DPYD: variants seen among roughly 807,000 people sequenced by gnomAD.
DPYD encodes dihydropyrimidine dehydrogenase.
Under a neutral mutation model 116.2 loss-of-function variants are expected in DPYD, and 109 were observed. That is an observed-to-expected ratio of 0.94 (90% CI 0.80 to 1.10). DPYD has a LOEUF of 1.10. Among genes scored for constraint, DPYD ranks in the 50% least tolerant of loss-of-function variants. DPYD has a pLI of 0.00. For synonymous variants in DPYD, 440 were observed against 432.0 expected (o/e 1.02, Z -0.23); for missense variants, 1,302 against 1,254.5 (o/e 1.04, Z -0.57).
intron 3 of DPYD, among the ~76,000 whole-genome samples, chr1:97,821,994 A>T (rs909155617): frequency 6.6e-6 from 1 of 151,880 alleles, no homozygotes. Context: ...GATTCTTACT[A>T]TTGATTCCAG....
At chr1:97,168,917 G>A (rs1020678850) in intron 20 of DPYD, among the ~76,000 whole-genome samples, 6 of 151,114 alleles carry the variant, frequency 4.0e-5, no homozygotes, top group Non-Finnish European at 8.8e-5. Context: ...CATGATCGCA[G>A]CTCACTGCAA....
chr1:97,792,081 T>C (rs1237900189), intron 3 of DPYD, among the ~76,000 whole-genome samples: 2 of 152,188 alleles, frequency 1.3e-5, no homozygotes, highest in East Asian at 1.9e-4. Context: ...GCTAACTCTA[T>C]TATGCATAGT....
At chr1:97,376,887 G>GTGTGTGTGTGTATATATATATATA in intron 15 of DPYD, among the ~76,000 whole-genome samples, 12 of 128,404 alleles carry the variant, frequency 9.3e-5, no homozygotes, top group African/African-American at 3.4e-4. Flanking sequence ...GTGTGTGTGT[G>GTGTGTGTGTGTATATATATATATA]TATATATATA....
At chr1:97,293,420 T>C (rs1666334005) in intron 18 of DPYD, among the ~76,000 whole-genome samples, 1 of 152,188 alleles carries the variant, frequency 6.6e-6, no homozygotes, top group South Asian at 2.1e-4. Context: ...TGTGTGATGT[T>C]ATAGAATTTA....
chr1:97,701,958 T>C (rs1261076483), intron 5 of DPYD, among the ~76,000 whole-genome samples: 1 of 151,784 alleles, frequency 6.6e-6, no homozygotes, highest in Non-Finnish European at 1.5e-5. Context: ...TTTAAATTGG[T>C]AATAAAATAA....
At chr1:97,312,854 T>C (rs1667596670) in intron 16 of DPYD, among the ~76,000 whole-genome samples, 1 of 151,880 alleles carries the variant, frequency 6.6e-6, no homozygotes, top group South Asian at 2.1e-4. Context: ...TTCATGCTAA[T>C]ATAGGTAAAT....
intron 14 of DPYD, among the ~76,000 whole-genome samples, chr1:97,406,806 T>G (rs1475953968): frequency 1.3e-5 from 2 of 152,168 alleles, no homozygotes; most frequent in East Asian, 3.8e-4. Flanking sequence ...CAATATCCAT[T>G]TGAGTTGTTC....
chr1:97,728,637 C>T (rs551361592), intron 4 of DPYD, among the ~76,000 whole-genome samples: 16 of 151,970 alleles, frequency 1.1e-4, no homozygotes, highest in Non-Finnish European at 1.5e-4. Context: ...AAGATAAACT[C>T]CAATCTGCTG....
chr1:97,768,763 A>G (rs961847300), intron 3 of DPYD, among the ~76,000 whole-genome samples: 3 of 152,154 alleles, frequency 2.0e-5, no homozygotes, highest in African/African-American at 7.2e-5. Flanking sequence ...ATCTTTTCCA[A>G]ATAAGAAAAA....
At chr1:97,200,130 C>T (rs1175895472) in intron 19 of DPYD, among the ~76,000 whole-genome samples, 2 of 152,102 alleles carry the variant, frequency 1.3e-5, no homozygotes, top group Non-Finnish European at 1.5e-5. Context: ...TTTTCAAATG[C>T]TATTTTAAAA....
At chr1:97,102,050 C>G (rs1650729423) in intron 20 of DPYD, among the ~76,000 whole-genome samples, 1 of 151,910 alleles carries the variant, frequency 6.6e-6, no homozygotes, top group Admixed American at 6.6e-5. Flanking sequence ...ATACCTTAAG[C>G]CAGCAAAGCT....
intron 18 of DPYD, among the ~76,000 whole-genome samples, chr1:97,288,638 C>T (rs373429075): frequency 6.8e-5 from 10 of 146,074 alleles, no homozygotes; most frequent in Admixed American, 2.8e-4. Context: ...TTGAAACCAA[C>T]GAGAACAAAG....
At chr1:97,249,166 A>T (rs542454708) in intron 18 of DPYD, among the ~76,000 whole-genome samples, 2 of 152,288 alleles carry the variant, frequency 1.3e-5, no homozygotes, top group Non-Finnish European at 1.5e-5. Context: ...AAAATAACTC[A>T]AGGACACGAT....
chr1:97,089,801 G>A (rs1251103593), intron 21 of DPYD, among the ~76,000 whole-genome samples: 1 of 150,532 alleles, frequency 6.6e-6, no homozygotes, highest in Non-Finnish European at 1.5e-5. Flanking sequence ...GGGGTAGGAC[G>A]GAGGGCCTCT....
intron 14 of DPYD, among the ~76,000 whole-genome samples, chr1:97,428,064 A>C (rs1439950121): frequency 6.6e-6 from 1 of 152,160 alleles, no homozygotes; most frequent in Non-Finnish European, 1.5e-5. Flanking sequence ...TAACAATACA[A>C]TAAAAGTTAT....
At chr1:97,717,286 C>A (rs1240790875) in intron 5 of DPYD, among the ~76,000 whole-genome samples, 2 of 151,910 alleles carry the variant, frequency 1.3e-5, no homozygotes, top group Non-Finnish European at 2.9e-5. Flanking sequence ...GTTTAGAAAC[C>A]TGCTGAGAGA....
At chr1:97,436,311 A>G (rs1675470981) in intron 14 of DPYD, among the ~76,000 whole-genome samples, 2 of 152,040 alleles carry the variant, frequency 1.3e-5, no homozygotes, top group East Asian at 3.8e-4. Flanking sequence ...CCTACTGAAC[A>G]AAGCTTTTCA....
At chr1:97,617,326 A>G (rs1211503856) in intron 8 of DPYD, among the ~76,000 whole-genome samples, 6 of 152,320 alleles carry the variant, frequency 3.9e-5, no homozygotes, top group Middle Eastern at 6.8e-3. Flanking sequence ...GTAATTGGCT[A>G]GGGACTACTG....
At chr1:97,848,244 C>A (rs917297066) in intron 2 of DPYD, among the ~76,000 whole-genome samples, 3 of 152,092 alleles carry the variant, frequency 2.0e-5, no homozygotes, top group Non-Finnish European at 2.9e-5. Context: ...ACTATAGGCG[C>A]CTGCCACCAC....
Sources: allele counts gnomAD v4.1 joint callset (sites outside exome capture counted in the v4.1 genomes callset), GRCh38; gene constraint gnomAD v4.1.1; transcripts MANE v1.5; gene names NCBI Gene and HGNC (gene_info 2026-07-23, HGNC 2026-07-21).